SLC71A2: variants seen among roughly 807,000 people sequenced by gnomAD.
SLC71A2 encodes solute carrier family 71 member 2, also known as hippocampus abundant transcript-like 1.
the SLC71A2 span, among the ~76,000 whole-genome samples, chr9:94,405,657 A>C: frequency 6.6e-6 from 1 of 152,126 alleles, no homozygotes; most frequent in Non-Finnish European, 1.5e-5. Flanking sequence ...GTTGGTCTAC[A>C]TGTCTGTTTT....
chr9:94,409,115 C>T, the SLC71A2 span, among the ~76,000 whole-genome samples: 2 of 147,032 alleles, frequency 1.4e-5, no homozygotes, highest in South Asian at 2.2e-4. Context: ...TTACAGGCCA[C>T]TGCGCCCGGC....
chr9:94,385,356 A>G, the SLC71A2 span, among the ~76,000 whole-genome samples: 3 of 152,184 alleles, frequency 2.0e-5, no homozygotes, highest in African/African-American at 7.2e-5. Context: ...TAAGTTTTAT[A>G]GTTTTAAGTC....
chr9:94,405,779 C>T, the SLC71A2 span, among the ~76,000 whole-genome samples: 1 of 151,606 alleles, frequency 6.6e-6, no homozygotes, highest in Non-Finnish European at 1.5e-5. Flanking sequence ...TTTGGGGGTC[C>T]CTTAAGATTC....
chr9:94,397,924 C>G, the SLC71A2 span, among the ~76,000 whole-genome samples: 1 of 152,170 alleles, frequency 6.6e-6, no homozygotes, highest in African/African-American at 2.4e-5. Flanking sequence ...TAAAGTTGCT[C>G]TTTTACCCGT....
the SLC71A2 span, chr9:94,432,843 A>C: frequency 2.5e-6 from 1 of 403,000 alleles, no homozygotes; most frequent in Non-Finnish European, 5.0e-6. Context: ...AGGTCTTATA[A>C]CTCCATGGCA....
the SLC71A2 span, chr9:94,453,941 T>C: frequency 6.6e-7 from 1 of 1,523,488 alleles, no homozygotes; most frequent in South Asian, 1.1e-5. Flanking sequence ...TTCAGAGTTG[T>C]CTCCTTTACT....
At chr9:94,412,520 T>G in the SLC71A2 span, among the ~76,000 whole-genome samples, 5 of 152,078 alleles carry the variant, frequency 3.3e-5, no homozygotes, top group Non-Finnish European at 5.9e-5. Context: ...CAAAAACTTG[T>G]ACATCAATGT....
At chr9:94,459,324 A>AT in the SLC71A2 span, 1 of 1,614,180 alleles carries the variant, frequency 6.2e-7, no homozygotes, top group Non-Finnish European at 8.5e-7. Flanking sequence ...CGGGGCAGTG[A>AT]TGAGGACATT....
At chr9:94,441,420 G>A in the SLC71A2 span, among the ~76,000 whole-genome samples, 1 of 152,070 alleles carries the variant, frequency 6.6e-6, no homozygotes, top group African/African-American at 2.4e-5. Flanking sequence ...ACTTTTAAAC[G>A]GCCAGATCTC....
chr9:94,429,662 C>G, the SLC71A2 span, among the ~76,000 whole-genome samples: 4 of 152,048 alleles, frequency 2.6e-5, no homozygotes, highest in African/African-American at 9.7e-5. Context: ...TGTAATAACT[C>G]AGCCACTTGA....
chr9:94,439,021 C>CCTTTTTTTT, the SLC71A2 span, among the ~76,000 whole-genome samples: 1 of 75,852 alleles, frequency 1.3e-5, no homozygotes, highest in Non-Finnish European at 2.7e-5. Flanking sequence ...AATTTGAGTT[C>CCTTTTTTTT]GTTTTTTTTT....
chr9:94,447,782 T>C, the SLC71A2 span, among the ~76,000 whole-genome samples: 2 of 152,168 alleles, frequency 1.3e-5, no homozygotes, highest in Non-Finnish European at 2.9e-5. Flanking sequence ...CCTTACAGTA[T>C]CACACAGTGA....
At chr9:94,435,292 C>T in the SLC71A2 span, among the ~76,000 whole-genome samples, 2 of 152,152 alleles carry the variant, frequency 1.3e-5, no homozygotes, top group African/African-American at 4.8e-5. Flanking sequence ...TTCAGTCTCC[C>T]ATCACCACAT....
At chr9:94,438,990 C>A in the SLC71A2 span, among the ~76,000 whole-genome samples, 1 of 148,524 alleles carries the variant, frequency 6.7e-6, no homozygotes, top group African/African-American at 2.5e-5. Flanking sequence ...AGGCTGATAG[C>A]CTATTTTAAA....
chr9:94,421,024 C>G, the SLC71A2 span, among the ~76,000 whole-genome samples: 425 of 151,900 alleles, frequency 2.8e-3, 4 homozygotes, highest in African/African-American at 1.0e-2. Context: ...TATCTCAATA[C>G]TTTATGCACT....
chr9:94,431,840 CACTGG>C, the SLC71A2 span, among the ~76,000 whole-genome samples: 4 of 152,168 alleles, frequency 2.6e-5, no homozygotes, highest in African/African-American at 7.2e-5. Flanking sequence ...CCACTAGCTC[CACTGG>C]TTCAGAGGAG....
At chr9:94,390,757 T>C in the SLC71A2 span, among the ~76,000 whole-genome samples, 1 of 152,210 alleles carries the variant, frequency 6.6e-6, no homozygotes. Flanking sequence ...TCACAGACCA[T>C]GAAACAACTT....
chr9:94,438,207 G>C, the SLC71A2 span, among the ~76,000 whole-genome samples: 5 of 152,104 alleles, frequency 3.3e-5, no homozygotes, highest in Non-Finnish European at 7.3e-5. Flanking sequence ...CAAAGTGCTG[G>C]GATTACAGGC....
the SLC71A2 span, among the ~76,000 whole-genome samples, chr9:94,386,996 T>G: frequency 2.0e-5 from 3 of 152,192 alleles, no homozygotes; most frequent in African/African-American, 7.2e-5. Flanking sequence ...GCTTAAAAGT[T>G]TCCTCCTCTT....
Sources: gnomAD v4.1 joint callset for allele counts (sites outside exome capture counted in the v4.1 genomes callset) on GRCh38, gnomAD v4.1.1 for gene constraint, MANE v1.5 for transcripts, NCBI Gene and HGNC (gene_info 2026-07-23, HGNC 2026-07-21) for gene names.